The following HDAC8 variants were observed in gnomAD, a reference collection of about 807,000 sequenced individuals.
HDAC8 encodes the protein histone deacetylase 8.
A neutral mutation model predicts 32.2 loss-of-function variants in HDAC8; 1 was observed. The observed-to-expected ratio is 0.03, with a 90% CI of 0.01 to 0.15. The LOEUF is 0.15. HDAC8 is among the 10% of genes least tolerant of loss of function. HDAC8 has a pLI of 1.00. For synonymous variants in HDAC8, 108 were observed against 113.9 expected (o/e 0.95, Z 0.33); for missense variants, 117 against 300.0 (o/e 0.39, Z 4.51).
At chrX:72,504,690 T>C (rs2049332612) in intron 4 of HDAC8, among the ~76,000 whole-genome samples, 2 of 112,172 alleles carry the variant, frequency 1.8e-5, no homozygotes, top group South Asian at 7.4e-4. Flanking sequence ...AGTACTTGTT[T>C]GCAATTCTTT....
At chrX:72,528,196 G>A (rs995476670) in intron 4 of HDAC8, among the ~76,000 whole-genome samples, 1 of 111,344 alleles carries the variant, frequency 9.0e-6, no homozygotes, top group Admixed American at 9.5e-5. Flanking sequence ...TGCTAGACTA[G>A]GAGCTCCTTG....
intron 4 of HDAC8, among the ~76,000 whole-genome samples, chrX:72,527,327 T>C (rs1405883973): frequency 8.9e-6 from 1 of 112,080 alleles, no homozygotes; most frequent in African/African-American, 3.2e-5. Flanking sequence ...ACAGCCTCAA[T>C]ACTTCAGAAA....
intron 4 of HDAC8, among the ~76,000 whole-genome samples, chrX:72,511,685 G>A (rs1330119465): frequency 1.8e-5 from 2 of 112,163 alleles, no homozygotes; most frequent in African/African-American, 6.5e-5. Context: ...GCTTTAAAAT[G>A]CAGGGAAAGC....
At chrX:72,551,581 G>A (rs1459737317) in intron 4 of HDAC8, among the ~76,000 whole-genome samples, 1 of 111,260 alleles carries the variant, frequency 9.0e-6, no homozygotes, top group African/African-American at 3.3e-5. Context: ...GGCCTTTTGT[G>A]CAGTACCAAC....
intron 10 of HDAC8, among the ~76,000 whole-genome samples, chrX:72,346,720 C>T (rs1434295408): frequency 3.0e-5 from 3 of 101,501 alleles, no homozygotes; most frequent in African/African-American, 1.1e-4. Flanking sequence ...ATTTCTTTTC[C>T]TTCTCTACTA....
At chrX:72,475,790 A>C (rs2048317209) in intron 7 of HDAC8, among the ~76,000 whole-genome samples, 1 of 112,004 alleles carries the variant, frequency 8.9e-6, no homozygotes, top group Non-Finnish European at 1.9e-5. Context: ...AAATCCATAA[A>C]ATAAAAGACA....
chrX:72,537,560 T>C (rs2050571741), intron 4 of HDAC8, among the ~76,000 whole-genome samples: 2 of 112,239 alleles, frequency 1.8e-5, no homozygotes, highest in South Asian at 3.7e-4. Flanking sequence ...ATCCCTCTTA[T>C]AGTAAATCCA....
chrX:72,437,974 C>A, intron 9 of HDAC8, among the ~76,000 whole-genome samples: 2 of 112,305 alleles, frequency 1.8e-5, no homozygotes, highest in Non-Finnish European at 3.8e-5. Flanking sequence ...GGTCTCCCAA[C>A]ACAGTGCTCG....
At chrX:72,549,941 C>A (rs2147493533) in intron 4 of HDAC8, among the ~76,000 whole-genome samples, 1 of 111,747 alleles carries the variant, frequency 8.9e-6, no homozygotes, top group South Asian at 3.8e-4. Context: ...GAGTCATATT[C>A]CTAAAATGCA....
At chrX:72,571,631 A>G (rs1432090217) in intron 2 of HDAC8, among the ~76,000 whole-genome samples, 2 of 87,317 alleles carry the variant, frequency 2.3e-5, no homozygotes, top group African/African-American at 9.1e-5. Flanking sequence ...CAATGGTGCA[A>G]TCTCGGCTCA....
chrX:72,570,725 A>G (rs1482493412), intron 2 of HDAC8, among the ~76,000 whole-genome samples: 1 of 112,011 alleles, frequency 8.9e-6, no homozygotes, highest in African/African-American at 3.2e-5. Context: ...TAAATGAAGC[A>G]TAGCACACTA....
At chrX:72,338,601 T>C (rs1221405654) in intron 10 of HDAC8, among the ~76,000 whole-genome samples, 3 of 104,489 alleles carry the variant, frequency 2.9e-5, no homozygotes, top group Non-Finnish European at 5.8e-5. Context: ...TTTAGGAATG[T>C]TTTTATATCT....
intron 9 of HDAC8, among the ~76,000 whole-genome samples, chrX:72,397,742 G>A (rs1488917676): frequency 1.8e-5 from 2 of 111,902 alleles, no homozygotes; most frequent in East Asian, 5.6e-4. Context: ...TGTAAATATT[G>A]GTATCACACT....
At chrX:72,349,073 A>G (rs1337950835) in intron 10 of HDAC8, among the ~76,000 whole-genome samples, 2 of 112,469 alleles carry the variant, frequency 1.8e-5, no homozygotes, top group African/African-American at 6.5e-5. Flanking sequence ...TTGTTAGAAA[A>G]TGTCTTCCTT....
chrX:72,359,145 G>A (rs1680718812), intron 9 of HDAC8, among the ~76,000 whole-genome samples: 1 of 108,699 alleles, frequency 9.2e-6, no homozygotes, highest in Non-Finnish European at 1.9e-5. Context: ...TATTAAGTAT[G>A]TTTATGGGCT....
At chrX:72,415,628 C>T (rs1182992815) in intron 9 of HDAC8, among the ~76,000 whole-genome samples, 1 of 111,817 alleles carries the variant, frequency 8.9e-6, no homozygotes, top group African/African-American at 3.2e-5. Context: ...TTTCAGCATA[C>T]ATATCCAGTA....
chrX:72,475,259 A>G (rs2048299123), intron 7 of HDAC8, among the ~76,000 whole-genome samples: 1 of 112,247 alleles, frequency 8.9e-6, no homozygotes, highest in African/African-American at 3.2e-5. Flanking sequence ...AGGAGAGAAG[A>G]GAAAAATATT....
chrX:72,389,872 C>G (rs1453182098), intron 9 of HDAC8, among the ~76,000 whole-genome samples: 1 of 111,466 alleles, frequency 9.0e-6, no homozygotes, highest in Non-Finnish European at 1.9e-5. Context: ...TCAAAAGGGA[C>G]CATGATCCCA....
intron 9 of HDAC8, among the ~76,000 whole-genome samples, chrX:72,355,530 C>T (rs782060507): frequency 3.8e-4 from 42 of 111,542 alleles, no homozygotes; most frequent in Non-Finnish European, 6.4e-4. Flanking sequence ...TGAGATGGGG[C>T]AGAGGGATGG....
Sources: gnomAD v4.1 joint callset for allele counts (sites outside exome capture counted in the v4.1 genomes callset) on GRCh38, gnomAD v4.1.1 for gene constraint, MANE v1.5 for transcripts, NCBI Gene and HGNC (gene_info 2026-07-23, HGNC 2026-07-21) for gene names.